Variants in UGT2B11 observed in about 807,000 individuals in gnomAD.
UGT2B11 encodes the protein UDP-glucuronosyltransferase 2B11.
In UGT2B11, 49 loss-of-function variants were observed where a neutral mutation model predicts 51.7. The observed-to-expected ratio is 0.95, with a 90% confidence interval of 0.75 to 1.20. The LOEUF (loss-of-function observed/expected upper bound fraction) is 1.20. UGT2B11 is among the 50% of genes most tolerant of loss of function. The pLI is 0.00. For synonymous variants in UGT2B11, 273 were observed against 209.0 expected, an observed-to-expected ratio of 1.31 and a Z score of -2.64; for missense variants, 810 against 622.1, an observed-to-expected ratio of 1.30 and a Z score of -3.21.
intron 2 of UGT2B11, among the ~76,000 whole-genome samples, chr4:69,210,822 A>G (rs1238901750): frequency 6.6e-6 from 1 of 151,664 alleles, no homozygotes; most frequent in Non-Finnish European, 1.5e-5. Flanking sequence ...GTAAGCAAAA[A>G]CGTTCTTTTA....
intron 1 of UGT2B11, among the ~76,000 whole-genome samples, chr4:69,213,796 T>A (rs1002287682): frequency 5.3e-5 from 8 of 151,820 alleles, no homozygotes; most frequent in African/African-American, 1.2e-4. Flanking sequence ...GGTGTTCTGT[T>A]TGAGTGATGG....
chr4:69,218,187 G>A (rs1464918297), upstream of UGT2B11, among the ~76,000 whole-genome samples: 1 of 151,930 alleles, frequency 6.6e-6, no homozygotes, highest in Non-Finnish European at 1.5e-5. Flanking sequence ...TTCCTCAAAA[G>A]CATATTCAGC....
chr4:69,224,621 C>T, the UGT2B11 span, among the ~76,000 whole-genome samples: 5 of 152,054 alleles, frequency 3.3e-5, no homozygotes, highest in Admixed American at 3.3e-4. Flanking sequence ...GATGTAAATG[C>T]CTTTCCTGGA....
chr4:69,213,910 T>A, intron 1 of UGT2B11, 92 bp downstream of exon 1: 1 of 1,443,448 alleles, frequency 6.9e-7, no homozygotes, highest in Non-Finnish European at 9.1e-7. Context: ...TACCAAAAAC[T>A]CCACTTCCCT....
chr4:69,221,928 C>T, the UGT2B11 span, among the ~76,000 whole-genome samples: 3 of 152,232 alleles, frequency 2.0e-5, no homozygotes, highest in African/African-American at 7.2e-5. Context: ...GGGCAGTGCA[C>T]CAATTGCACA....
rs11340393 is a variant in UGT2B11 at position 69,200,312 on chromosome 4, A to ATTTTTTTTTTTTT, written c.*115_*127dup. 2.4e-6 allele frequency: 2 copies of ATTTTTTTTTTTTT among 818,926 alleles called. No homozygotes were observed. Among genetic ancestry groups the ATTTTTTTTTTTTT allele is most frequent in the Non-Finnish European group, 1.5e-6 (1 of 656,848 alleles). The allele number at this position is 818,926 out of a possible 1,614,324, so 50.7% of individuals were successfully genotyped here. A position where few individuals can be genotyped will look rare whatever the true frequency, so the allele number is the denominator to read the frequency against. ...TTTACTTGACAAGGTAGATTTGAAA[A>ATTTTTTTTTTTTT]TTTTTTTTTTTTTTTTTTTTTTGTC... On this transcript the variant is annotated 3_prime_UTR_variant, in exon 6 of 6. Transcript: ENST00000446444.
At chr4:69,202,784 A>T (rs1721706863) in intron 5 of UGT2B11, among the ~76,000 whole-genome samples, 1 of 151,624 alleles carries the variant, frequency 6.6e-6, no homozygotes, top group South Asian at 2.1e-4. Context: ...CTATTTGTCC[A>T]AGGTGGTTTG....
At chr4:69,208,298 C>A (rs1721931635) in intron 3 of UGT2B11, 53 bp downstream of exon 3, 1 of 1,603,342 alleles carries the variant, frequency 6.2e-7, no homozygotes, top group Non-Finnish European at 8.5e-7. Context: ...AGATCACAAA[C>A]ATTAACAGCC....
intron 2 of UGT2B11, among the ~76,000 whole-genome samples, chr4:69,208,766 A>C (rs1310629506): frequency 6.6e-6 from 1 of 151,634 alleles, no homozygotes; most frequent in Non-Finnish European, 1.5e-5. Context: ...TCAGGGAGAT[A>C]ATGTTAAAAA....
At chr4:69,212,462 T>A (rs930586280) in intron 2 of UGT2B11, 111 bp downstream of exon 2, 1 of 1,530,330 alleles carries the variant, frequency 6.5e-7, no homozygotes, top group Non-Finnish European at 8.8e-7. Flanking sequence ...TTACACCACC[T>A]ACTTCCCATC....
chr4:69,212,634 A>C lies in UGT2B11; in HGVS notation c.809T>G (p.Phe270Cys), dbSNP rs1722114180. ...TCCAACAAAATCAACGTTTGGTAAG[A>C]ATGGATGAGGAAATTGAAAACTCCA... ...NSWSFQFPHPFLPNVDFVGGF... is the reference protein window; with the variant it reads ...NSWSFQFPHPCLPNVDFVGGF... The change falls in exon 2 of 6, where the codon TTC becomes TGC. Residue 270 changes from phenylalanine (F) to cysteine (C), a missense_variant. Physicochemically the swap from Phe to Cys is radical, Grantham distance 205 (BLOSUM62 -2). Transcript: ENST00000446444. 6.2e-7 allele frequency: 1 copy of C among 1,610,690 alleles called. No homozygotes were observed. Among genetic ancestry groups the C allele is most frequent in the South Asian group, 1.1e-5 (1 of 90,856 alleles).
chr4:69,210,552 G>A (rs748588801), intron 2 of UGT2B11, among the ~76,000 whole-genome samples: 2 of 151,522 alleles, frequency 1.3e-5, no homozygotes, highest in East Asian at 1.9e-4. Flanking sequence ...CCTAGTATTA[G>A]TAATTACCAC....
upstream of UGT2B11, chr4:69,216,235 T>A (rs1722270022): frequency 6.6e-6 from 1 of 152,098 alleles, no homozygotes; most frequent in Admixed American, 6.6e-5. Context: ...TCCTCATAAT[T>A]TTCTTGTTCA....
intron 2 of UGT2B11, among the ~76,000 whole-genome samples, chr4:69,208,702 G>A (rs1039854147): frequency 6.6e-6 from 1 of 151,612 alleles, no homozygotes; most frequent in Admixed American, 6.6e-5. Flanking sequence ...GTATATGTAT[G>A]TATGTGTCTG....
At position 69,214,237 on chromosome 4, in the gene UGT2B11, C is replaced by T. The variant is rs148526499; in HGVS notation, c.486G>A (p.Ala162=). 102 of 1,613,056 alleles carry T rather than the reference C, an allele frequency of 6.3e-5. 1 individual carries two copies. Among genetic ancestry groups the T allele is most frequent in the Non-Finnish European group, 8.1e-5 (95 of 1,179,476 alleles). ...TGTACACAAACCGTATGTTAAGTAG[C>T]GCAGCCAGCAGCTCACCACAGGGAA... ...AVFPCGELLA[A]LLNIRFVYSL... The change falls in exon 1 of 6, where the codon GCG becomes GCA. Residue 162 remains alanine (A), a synonymous_variant. Coordinates refer to ENST00000446444, the MANE Select transcript of UGT2B11 (RefSeq NM_001073.3).
At chr4:69,205,423 T>C (rs569145981) in intron 4 of UGT2B11, 57 bp downstream of exon 4, 2 of 1,573,808 alleles carry the variant, frequency 1.3e-6, no homozygotes, top group East Asian at 4.5e-5. Flanking sequence ...GCATGTTTCA[T>C]TAACCCTCTA....
chr4:69,221,875 C>A, the UGT2B11 span, among the ~76,000 whole-genome samples: 1 of 152,260 alleles, frequency 6.6e-6, no homozygotes, highest in African/African-American at 2.4e-5. Flanking sequence ...GTTGCTGAAT[C>A]ATCTGGGTGG....
At position 69,214,326 on chromosome 4, in the gene UGT2B11, T is replaced by C; in HGVS notation, c.397A>G (p.Asn133Asp). The change falls in exon 1 of 6, where the codon AAT becomes GAT. Residue 133 changes from asparagine (N) to aspartate (D), a missense_variant. Transcript: ENST00000446444. ...TGTAGTTTTTTCATAACTTTCTTAT[T>C]TGAAACTACATCTTTACAGAAGTTT... Reference protein sequence around the residue: ...FRNFCKDVVSNKKVMKKLQES... With the variant: ...FRNFCKDVVSDKKVMKKLQES... 1 of 1,613,172 alleles carries C rather than the reference T, an allele frequency of 6.2e-7. No homozygotes were observed. Among genetic ancestry groups the C allele is most frequent in the South Asian group, 1.1e-5 (1 of 91,040 alleles).
upstream of UGT2B11, chr4:69,214,939 T>C (rs527893610): frequency 7.1e-5 from 51 of 715,742 alleles, no homozygotes; most frequent in South Asian, 1.1e-3. Context: ...ATATTCACTG[T>C]CATCCACCTA....
Sources: gnomAD v4.1 joint callset for allele counts (sites outside exome capture counted in the v4.1 genomes callset) on GRCh38, gnomAD v4.1.1 for gene constraint, MANE v1.5 for transcripts, NCBI Gene and HGNC (gene_info 2026-07-23, HGNC 2026-07-21) for gene names.